SPON1: variants seen among roughly 807,000 people sequenced by gnomAD.
SPON1 encodes spondin-1.
SPON1 carries 52 observed loss-of-function variants against 111.7 expected under a neutral mutation model. That is an observed-to-expected ratio of 0.47 (90% CI 0.37 to 0.59). The LOEUF (loss-of-function observed/expected upper bound fraction) is 0.59. Ranked by LOEUF, SPON1 falls within the 20% of genes least tolerant of loss-of-function variation. The pLI, the probability that SPON1 is intolerant of heterozygous loss-of-function variation, is 0.00. For missense variants in SPON1, 957 were observed against 1,068.5 expected, an observed-to-expected ratio of 0.90 and a Z score of 1.46; for synonymous variants, 410 against 395.8, an observed-to-expected ratio of 1.04 and a Z score of -0.43.
intron 2 of SPON1, 50 bp from the exon 3 acceptor site, chr11:14,041,470 GC>G: frequency 6.2e-7 from 1 of 1,600,370 alleles, no homozygotes; most frequent in South Asian, 1.1e-5. Flanking sequence ...AAGCTTAAGC[GC>G]CCTCTCAAAA....
At chr11:14,140,396 T>A (rs1188955002) in intron 6 of SPON1, among the ~76,000 whole-genome samples, 1 of 152,158 alleles carries the variant, frequency 6.6e-6, no homozygotes, top group Non-Finnish European at 1.5e-5. Flanking sequence ...TTCAGTGGTA[T>A]TTGTTTTGTT....
intron 2 of SPON1, among the ~76,000 whole-genome samples, chr11:14,037,002 A>T (rs1848599316): frequency 6.6e-6 from 1 of 152,222 alleles, no homozygotes; most frequent in South Asian, 2.1e-4. Flanking sequence ...GGTGAAGGGA[A>T]GACAGTAAGT....
chr11:14,170,420 A>G (rs548387412), intron 6 of SPON1, among the ~76,000 whole-genome samples: 4 of 152,314 alleles, frequency 2.6e-5, no homozygotes, highest in Admixed American at 6.5e-5. Context: ...TTTTCTAGAT[A>G]TATAATCATG....
At chr11:14,182,592 A>G (rs894454078) in intron 6 of SPON1, among the ~76,000 whole-genome samples, 11 of 152,160 alleles carry the variant, frequency 7.2e-5, no homozygotes, top group Non-Finnish European at 1.5e-4. Flanking sequence ...AGTTTGTGCA[A>G]TTTGGGTATT....
At chr11:13,983,583 A>G (rs1217199377) in intron 2 of SPON1, among the ~76,000 whole-genome samples, 1 of 152,164 alleles carries the variant, frequency 6.6e-6, no homozygotes, top group Non-Finnish European at 1.5e-5. Flanking sequence ...TCGCACAGAC[A>G]AGGACCCCGA....
intron 2 of SPON1, among the ~76,000 whole-genome samples, chr11:13,989,580 TCTG>T (rs1432901095): frequency 2.0e-5 from 3 of 152,228 alleles, no homozygotes; most frequent in African/African-American, 7.2e-5. Flanking sequence ...TTTCTTGTCT[TCTG>T]CTAGCTTTTG....
intron 3 of SPON1, among the ~76,000 whole-genome samples, chr11:14,049,181 G>C (rs1811869972): frequency 6.6e-6 from 1 of 152,174 alleles, no homozygotes; most frequent in Non-Finnish European, 1.5e-5. Context: ...TCTTCATACT[G>C]TACTCTGCCA....
intron 5 of SPON1, among the ~76,000 whole-genome samples, chr11:14,112,655 C>T (rs1849234861): frequency 6.6e-6 from 1 of 152,190 alleles, no homozygotes; most frequent in Admixed American, 6.5e-5. Flanking sequence ...TTGCCTTGGA[C>T]CCCAGTTCTC....
At chr11:14,028,775 T>C (rs1391007765) in intron 2 of SPON1, among the ~76,000 whole-genome samples, 2 of 152,150 alleles carry the variant, frequency 1.3e-5, no homozygotes, top group African/African-American at 4.8e-5. Context: ...CATAAGGATG[T>C]GTACTCACAG....
At chr11:14,109,822 C>G (rs1849214124) in intron 5 of SPON1, among the ~76,000 whole-genome samples, 1 of 152,064 alleles carries the variant, frequency 6.6e-6, no homozygotes, top group Non-Finnish European at 1.5e-5. Context: ...GAAACTGACA[C>G]CTTCTGAGAA....
chr11:14,195,771 G>C (rs1848393978), intron 6 of SPON1, among the ~76,000 whole-genome samples: 2 of 152,144 alleles, frequency 1.3e-5, no homozygotes, highest in African/African-American at 4.8e-5. Flanking sequence ...GTGGGGAGTG[G>C]ATTTGGGAGT....
At chr11:14,249,503 C>T (rs1849029823) in intron 7 of SPON1, among the ~76,000 whole-genome samples, 1 of 152,224 alleles carries the variant, frequency 6.6e-6, no homozygotes, top group Admixed American at 6.5e-5. Context: ...CCCTGCAGAA[C>T]TTCAGCCTAG....
intron 2 of SPON1, among the ~76,000 whole-genome samples, chr11:14,004,634 T>G (rs1848345226): frequency 6.6e-6 from 1 of 152,194 alleles, no homozygotes; most frequent in African/African-American, 2.4e-5. Context: ...TATATTGTCT[T>G]TGGAAAAAAT....
intron 5 of SPON1, among the ~76,000 whole-genome samples, chr11:14,132,656 C>T (rs1345280835): frequency 2.0e-5 from 3 of 152,206 alleles, no homozygotes; most frequent in South Asian, 4.1e-4. Flanking sequence ...GTGCTTGGCA[C>T]ATAATGGAAG....
At chr11:14,203,991 C>T (rs1206468480) in intron 6 of SPON1, among the ~76,000 whole-genome samples, 1 of 152,158 alleles carries the variant, frequency 6.6e-6, no homozygotes, top group Non-Finnish European at 1.5e-5. Context: ...AGTAATGAAA[C>T]CAGAAATCCA....
intron 6 of SPON1, among the ~76,000 whole-genome samples, chr11:14,219,342 C>T (rs1848656298): frequency 6.6e-6 from 1 of 152,146 alleles, no homozygotes; most frequent in Admixed American, 6.5e-5. Context: ...AAAAAGTTAT[C>T]CTAGTTTCAG....
At chr11:14,157,662 T>TTA (rs1847864821) in intron 6 of SPON1, among the ~76,000 whole-genome samples, 1 of 152,140 alleles carries the variant, frequency 6.6e-6, no homozygotes, top group Non-Finnish European at 1.5e-5. Context: ...GGAACTTTAA[T>TTA]TATATATATG....
chr11:13,982,196 A>G (rs1469628078), intron 1 of SPON1, among the ~76,000 whole-genome samples: 2 of 152,072 alleles, frequency 1.3e-5, no homozygotes, highest in African/African-American at 4.8e-5. Context: ...GTATGTATGT[A>G]TGTAAAGGAA....
chr11:14,233,025 G>T (rs1449411611), intron 6 of SPON1, among the ~76,000 whole-genome samples: 1 of 151,844 alleles, frequency 6.6e-6, no homozygotes, highest in Non-Finnish European at 1.5e-5. Flanking sequence ...AGTCTGCTTT[G>T]CTCTCCCCCA....
Sources: allele counts gnomAD v4.1 joint callset (sites outside exome capture counted in the v4.1 genomes callset), GRCh38; gene constraint gnomAD v4.1.1; transcripts MANE v1.5; gene names NCBI Gene and HGNC (gene_info 2026-07-23, HGNC 2026-07-21).